The following LRRC4C variants were observed in gnomAD, a reference collection of about 807,000 sequenced individuals.
LRRC4C encodes the protein leucine rich repeat containing 4C, also known as leucine-rich repeat-containing protein 4C.
LRRC4C carries 5 observed loss-of-function variants against 33.6 expected under a neutral mutation model. The ratio of observed to expected loss-of-function variants is 0.15; its 90% confidence interval spans 0.08 to 0.31. The LOEUF (loss-of-function observed/expected upper bound fraction) is 0.31, where lower values mean the gene tolerates loss of function less well. LRRC4C is among the 10% of genes least tolerant of loss of function. The pLI is 1.00. For synonymous variants in LRRC4C, 329 were observed against 302.0 expected (o/e 1.09, Z -0.93); for missense variants, 560 against 796.7 (o/e 0.70, Z 3.58).
intron 1 of LRRC4C, among the ~76,000 whole-genome samples, chr11:40,972,140 T>C (rs1851769569): frequency 6.6e-6 from 1 of 151,038 alleles, no homozygotes; most frequent in African/African-American, 2.4e-5. Flanking sequence ...GCCATAATTT[T>C]TTTTTTTTTT....
At chr11:41,229,591 A>G (rs1947692904) in intron 1 of LRRC4C, among the ~76,000 whole-genome samples, 1 of 152,068 alleles carries the variant, frequency 6.6e-6, no homozygotes, top group African/African-American at 2.4e-5. Context: ...GGAACTCACA[A>G]GTTTTCTTAA....
intron 1 of LRRC4C, among the ~76,000 whole-genome samples, chr11:41,143,570 A>C (rs1370934728): frequency 6.6e-6 from 1 of 152,150 alleles, no homozygotes; most frequent in Non-Finnish European, 1.5e-5. Context: ...GTCCACCAAA[A>C]AGCTAGGACA....
intron 3 of LRRC4C, among the ~76,000 whole-genome samples, chr11:40,604,501 C>T (rs1276001271): frequency 2.0e-5 from 3 of 151,990 alleles, no homozygotes. Context: ...TTACTGAGAG[C>T]TAATTTAACA....
intron 1 of LRRC4C, among the ~76,000 whole-genome samples, chr11:41,191,097 C>T (rs540101346): frequency 6.6e-6 from 1 of 152,256 alleles, no homozygotes; most frequent in African/African-American, 2.4e-5. Context: ...TTTTATTCTG[C>T]AATCTGTAGA....
intron 1 of LRRC4C, among the ~76,000 whole-genome samples, chr11:41,294,930 A>G (rs1297699406): frequency 6.6e-6 from 1 of 152,202 alleles, no homozygotes; most frequent in East Asian, 1.9e-4. Flanking sequence ...TCTTATAACA[A>G]TGAGTTTTGC....
At chr11:40,178,728 G>A (rs561375471) in intron 5 of LRRC4C, among the ~76,000 whole-genome samples, 19 of 152,202 alleles carry the variant, frequency 1.2e-4, no homozygotes, top group Non-Finnish European at 2.4e-4. Context: ...AGGGAGATGT[G>A]GACAGGCAGG....
Position 41,262,079 on chromosome 11 carries a change from A to G in LRRC4C, c.-496+197352T>C, listed in dbSNP as rs1324389104. Among the ~76,000 whole-genome samples, 10 of 152,156 alleles carry G rather than the reference A, an allele frequency of 6.6e-5. No individual in the cohort carries two copies. In the South Asian group the frequency reaches 1.0e-3, roughly 16 times the overall value. On this transcript the variant is annotated intron_variant, in intron 1 of 6. Coordinates refer to ENST00000528697, the MANE Select transcript of LRRC4C (RefSeq NM_001258419.2). ...ATAAGTGAGATACACTTTAGAGAGTAGGAAATGATAGGATCAGGAACTCTT... is the reference window on the plus strand; with the variant it reads ...ATAAGTGAGATACACTTTAGAGAGTGGGAAATGATAGGATCAGGAACTCTT...
chr11:40,620,657 G>C (rs993268036), intron 3 of LRRC4C, among the ~76,000 whole-genome samples: 1 of 151,838 alleles, frequency 6.6e-6, no homozygotes, highest in South Asian at 2.1e-4. Flanking sequence ...AAAGAAATTC[G>C]GTGTCACAGA....
At chr11:40,484,226 C>T (rs1474491863) in intron 3 of LRRC4C, among the ~76,000 whole-genome samples, 1 of 152,028 alleles carries the variant, frequency 6.6e-6, no homozygotes, top group Non-Finnish European at 1.5e-5. Flanking sequence ...CCTGAAGATA[C>T]CCCTCTACAA....
chr11:40,402,071 G>T (rs1949780702), intron 3 of LRRC4C, among the ~76,000 whole-genome samples: 1 of 152,008 alleles, frequency 6.6e-6, no homozygotes, highest in African/African-American at 2.4e-5. Flanking sequence ...ATGTTGACAG[G>T]ACTTACACTC....
chr11:40,860,560 G>T (rs141981537), intron 2 of LRRC4C, among the ~76,000 whole-genome samples: 2 of 152,066 alleles, frequency 1.3e-5, no homozygotes, highest in Non-Finnish European at 2.9e-5. Flanking sequence ...GGCTCACAGT[G>T]GCATAACTCC....
chr11:40,962,276 T>A (rs981833615), intron 1 of LRRC4C, among the ~76,000 whole-genome samples: 11 of 151,536 alleles, frequency 7.3e-5, no homozygotes, highest in Non-Finnish European at 1.5e-4. Context: ...GTTCTAGAGG[T>A]GAGAAAATAG....
chr11:40,796,320 A>G (rs1476997633), intron 2 of LRRC4C, among the ~76,000 whole-genome samples: 1 of 152,202 alleles, frequency 6.6e-6, no homozygotes, highest in Non-Finnish European at 1.5e-5. Flanking sequence ...GTTTAGTTAC[A>G]TGTCAAAGTT....
intron 1 of LRRC4C, among the ~76,000 whole-genome samples, chr11:41,111,552 G>A (rs111238593): frequency 1.8e-4 from 28 of 152,170 alleles, no homozygotes; most frequent in African/African-American, 6.7e-4. Flanking sequence ...AGGAAAAAAG[G>A]TGGTGATACA....
chr11:41,227,986 G>A (rs1590995862), intron 1 of LRRC4C, among the ~76,000 whole-genome samples: 1 of 151,908 alleles, frequency 6.6e-6, no homozygotes, highest in Non-Finnish European at 1.5e-5. Flanking sequence ...ACCAAATAGG[G>A]CATTTGAATG....
At chr11:41,085,770 C>T (rs1939927377) in intron 1 of LRRC4C, among the ~76,000 whole-genome samples, 1 of 151,880 alleles carries the variant, frequency 6.6e-6, no homozygotes, top group South Asian at 2.1e-4. Flanking sequence ...GTTTTTGACT[C>T]TTAGCAACAG....
chr11:40,295,122 C>A (rs1009918241), intron 4 of LRRC4C, among the ~76,000 whole-genome samples: 1 of 152,122 alleles, frequency 6.6e-6, no homozygotes, highest in Non-Finnish European at 1.5e-5. Context: ...TGGCACATTT[C>A]AAATTCACTG....
At chr11:41,280,898 C>G (rs879606164) in intron 1 of LRRC4C, among the ~76,000 whole-genome samples, 6 of 152,220 alleles carry the variant, frequency 3.9e-5, no homozygotes, top group Non-Finnish European at 5.9e-5. Context: ...AGCATTTTGT[C>G]AGACTTAAGA....
At chr11:41,055,511 T>A (rs1230949077) in intron 1 of LRRC4C, among the ~76,000 whole-genome samples, 1 of 152,148 alleles carries the variant, frequency 6.6e-6, no homozygotes, top group East Asian at 1.9e-4. Context: ...AATCAAAATT[T>A]TCAAATTTTA....
Sources: allele counts gnomAD v4.1 joint callset (sites outside exome capture counted in the v4.1 genomes callset), GRCh38; gene constraint gnomAD v4.1.1; transcripts MANE v1.5; gene names NCBI Gene and HGNC (gene_info 2026-07-23, HGNC 2026-07-21).